The following ZFR variants were observed in gnomAD, a reference collection of about 807,000 sequenced individuals.
ZFR encodes zinc finger RNA-binding protein.
Under a neutral mutation model 130.7 loss-of-function variants are expected in ZFR, and 19 were observed. That is an observed-to-expected ratio of 0.15 (90% confidence interval 0.10 to 0.21). The LOEUF (loss-of-function observed/expected upper bound fraction) is 0.21. Among genes scored for constraint, ZFR ranks in the 10% least tolerant of loss-of-function variants. The pLI, the probability that ZFR is intolerant of heterozygous loss-of-function variation, is 1.00. For missense variants in ZFR, 872 were observed against 1,321.5 expected (o/e 0.66, Z 5.27); for synonymous variants, 466 against 456.9 (o/e 1.02, Z -0.25).
intron 3 of ZFR, among the ~76,000 whole-genome samples, chr5:32,418,928 T>G (rs1225228759): frequency 1.3e-5 from 2 of 152,162 alleles, no homozygotes; most frequent in Non-Finnish European, 2.9e-5. Context: ...AAGGAGAATG[T>G]AGAATTCCTA....
chr5:32,390,596 C>G (rs113931824), intron 11 of ZFR, among the ~76,000 whole-genome samples, 159 bp from the exon 12 acceptor site: 18 of 152,100 alleles, frequency 1.2e-4, no homozygotes, highest in African/African-American at 4.1e-4. Context: ...GCTTTCATTG[C>G]GAAGTAAATG....
chr5:32,391,330 A>G (rs1753170000), intron 11 of ZFR, among the ~76,000 whole-genome samples: 1 of 152,002 alleles, frequency 6.6e-6, no homozygotes, highest in Non-Finnish European at 1.5e-5. Context: ...TTGTAACGTA[A>G]CCCCCTTGGA....
intron 4 of ZFR, among the ~76,000 whole-genome samples, chr5:32,415,564 A>G (rs999939194): frequency 2.0e-5 from 3 of 151,554 alleles, no homozygotes; most frequent in African/African-American, 7.3e-5. Flanking sequence ...TAGGCTTAAT[A>G]TTGGAAACAG....
chr5:32,441,965 T>C (rs1217582609), intron 2 of ZFR, among the ~76,000 whole-genome samples: 2 of 151,830 alleles, frequency 1.3e-5, no homozygotes, highest in African/African-American at 2.4e-5. Context: ...AAAAAAAAAT[T>C]ATTAGAAACA....
chr5:32,399,361 C>T (rs1188256412), intron 9 of ZFR, among the ~76,000 whole-genome samples: 2 of 152,206 alleles, frequency 1.3e-5, no homozygotes, highest in Non-Finnish European at 2.9e-5. Context: ...TTCATCTACT[C>T]TTCACAACTT....
At chr5:32,398,113 C>T (rs901970993) in intron 9 of ZFR, among the ~76,000 whole-genome samples, 1 of 152,070 alleles carries the variant, frequency 6.6e-6, no homozygotes, top group African/African-American at 2.4e-5. Context: ...GCCTCGGCCT[C>T]CCAAAGTGCT....
chr5:32,411,408 G>T (rs1833913), intron 5 of ZFR, among the ~76,000 whole-genome samples: 61,475 of 151,704 alleles, frequency 0.41, 12,707 homozygotes, highest in East Asian at 0.57. Flanking sequence ...AATATTCGGA[G>T]GCAGGTGCGG....
intron 2 of ZFR, among the ~76,000 whole-genome samples, chr5:32,440,601 C>T (rs1754447297): frequency 6.6e-6 from 1 of 151,282 alleles, no homozygotes; most frequent in African/African-American, 2.4e-5. Flanking sequence ...GAGCCAAGAT[C>T]GTGCCATTGC....
chr5:32,372,380 G>C (rs938136055), intron 17 of ZFR, among the ~76,000 whole-genome samples: 2 of 152,164 alleles, frequency 1.3e-5, no homozygotes, highest in African/African-American at 4.8e-5. Context: ...GGGAGGCTGT[G>C]TATGTGTGAG....
At chr5:32,417,018 T>C (rs894490629) in intron 4 of ZFR, among the ~76,000 whole-genome samples, 9 of 151,452 alleles carry the variant, frequency 5.9e-5, no homozygotes, top group Non-Finnish European at 1.0e-4. Flanking sequence ...ACCCATTAAC[T>C]TGTCATTTAC....
intron 19 of ZFR, among the ~76,000 whole-genome samples, chr5:32,356,922 C>A (rs184145177): frequency 6.6e-6 from 1 of 152,176 alleles, no homozygotes; most frequent in African/African-American, 2.4e-5. Flanking sequence ...AAGTCTGCTT[C>A]CCCCTTCTGG....
At position 32,390,447 on chromosome 5, in the gene ZFR, A is replaced by G; in HGVS notation, c.1980-10T>C. On this transcript the variant is annotated splice_polypyrimidine_tract_variant and intron_variant, in intron 11 of 19. Coordinates refer to ENST00000265069, the MANE Select transcript of ZFR (RefSeq NM_016107.5). ...GTCCTCTTCATAACGTCTGAAACAT[A>G]AAGAATGACATTATAAGCATATGAG... 1.2e-6 allele frequency: 2 copies of G among 1,609,306 alleles called. No homozygotes were observed. The highest frequency in any genetic ancestry group is 1.7e-6 in the Non-Finnish European group (2 of 1,176,202).
intron 16 of ZFR, 66 bp downstream of exon 16, chr5:32,380,009 A>T: frequency 7.5e-7 from 1 of 1,324,882 alleles, no homozygotes; most frequent in Non-Finnish European, 1.1e-6. Context: ...AAGCACAGTT[A>T]AACATGTTGT....
At chr5:32,408,996 T>C (rs936968052) in intron 5 of ZFR, among the ~76,000 whole-genome samples, 2 of 152,240 alleles carry the variant, frequency 1.3e-5, no homozygotes, top group African/African-American at 4.8e-5. Flanking sequence ...TCCTTCCCTA[T>C]GTGTACAGAC....
rs533743569 is a variant in ZFR, at chr5:32,368,896, A to G, written c.2836-4621T>C. ...AAAATAGGATTTTATGAATACCACA[A>G]CAATGGGCAATTGTACATACAAAAG... On this transcript the variant is annotated intron_variant, in intron 17 of 19. Coordinates refer to ENST00000265069, the MANE Select transcript of ZFR (RefSeq NM_016107.5). Among the ~76,000 whole-genome samples the G allele has an allele frequency of 2.6e-5, 4 of 152,362 alleles. No homozygotes were observed. In the South Asian group the frequency reaches 8.3e-4, roughly 32 times the overall value.
rs562280105 is a variant in ZFR, at chr5:32,407,929, T to A, written c.785-908A>T. On this transcript the variant is annotated intron_variant, in intron 5 of 19. Coordinates refer to ENST00000265069, the MANE Select transcript of ZFR (RefSeq NM_016107.5). ...GGCCAGACACAGACACAGCCTTGTA[T>A]CTGTTTTCCTACAATGCTTTTTATA... 2.6e-4 allele frequency among the ~76,000 whole-genome samples: 39 copies of A among 152,264 alleles called. No homozygotes were observed. The South Asian group carries it at 7.7e-3, about 30-fold the overall frequency.
intron 11 of ZFR, among the ~76,000 whole-genome samples, chr5:32,392,665 G>A (rs996679338): frequency 1.3e-5 from 2 of 152,108 alleles, no homozygotes; most frequent in Non-Finnish European, 2.9e-5. Flanking sequence ...AAGTGGTCCC[G>A]GAGACCCTTT....
At chr5:32,435,236 A>C (rs1754308675) in intron 2 of ZFR, among the ~76,000 whole-genome samples, 1 of 152,170 alleles carries the variant, frequency 6.6e-6, no homozygotes, top group Non-Finnish European at 1.5e-5. Context: ...ACTCACGAAA[A>C]ATAAATCCTT....
In ZFR at chr5:32,363,032, T is replaced by C. The variant is rs1459098705; in HGVS notation, c.3045+916A>G. On this transcript the variant is annotated intron_variant, in intron 19 of 19. Transcript: ENST00000265069. ...GAATGCATAAGAATTTGGTCATATT[T>C]TGAGTCTGTAAGATATCCATAATAT... Among the ~76,000 whole-genome samples, 3 of 152,226 alleles carry C rather than the reference T, an allele frequency of 2.0e-5. No individual in the cohort carries two copies. In the South Asian group the frequency reaches 6.2e-4, roughly 31 times the overall value.
Sources: gnomAD v4.1 joint callset for allele counts (sites outside exome capture counted in the v4.1 genomes callset) on GRCh38, gnomAD v4.1.1 for gene constraint, MANE v1.5 for transcripts, NCBI Gene and HGNC (gene_info 2026-07-23, HGNC 2026-07-21) for gene names.